CDH12: variants seen among roughly 807,000 people sequenced by gnomAD.
CDH12 encodes cadherin 12.
Under a neutral mutation model 74.1 loss-of-function variants are expected in CDH12, and 41 were observed. The ratio of observed to expected loss-of-function variants is 0.55; its 90% CI spans 0.43 to 0.72. The LOEUF (loss-of-function observed/expected upper bound fraction) is 0.72. Among genes scored for constraint, CDH12 ranks in the 30% least tolerant of loss-of-function variants. CDH12 has a pLI of 0.00. For synonymous variants in CDH12, 399 were observed against 355.0 expected (o/e 1.12, Z -1.39); for missense variants, 945 against 977.2 (o/e 0.97, Z 0.44).
chr5:21,966,603 G>T (rs1253347989), intron 6 of CDH12, among the ~76,000 whole-genome samples: 1 of 152,092 alleles, frequency 6.6e-6, no homozygotes, highest in African/African-American at 2.4e-5. Flanking sequence ...ATTTGAACCT[G>T]TTGAACATAC....
At chr5:21,770,404 A>G (rs369987659) in intron 11 of CDH12, among the ~76,000 whole-genome samples, 6 of 152,230 alleles carry the variant, frequency 3.9e-5, no homozygotes, top group Non-Finnish European at 1.5e-5. Flanking sequence ...CAAGTGGATC[A>G]CCTGAGGTCA....
chr5:22,156,849 G>A (rs71216012), intron 4 of CDH12, among the ~76,000 whole-genome samples: 2 of 152,066 alleles, frequency 1.3e-5, no homozygotes, highest in Non-Finnish European at 2.9e-5. Context: ...GTGTTAATGC[G>A]TATTGATTAA....
chr5:22,582,065 T>C (rs558176293), intron 1 of CDH12, among the ~76,000 whole-genome samples: 37 of 152,258 alleles, frequency 2.4e-4, no homozygotes, highest in African/African-American at 8.9e-4. Context: ...ACAATATGTT[T>C]GTCTACCCTC....
intron 3 of CDH12, among the ~76,000 whole-genome samples, chr5:22,403,237 T>C (rs1742806174): frequency 6.6e-6 from 1 of 152,108 alleles, no homozygotes; most frequent in Non-Finnish European, 1.5e-5. Context: ...TGATAATTAT[T>C]ATGGCAATCC....
intron 1 of CDH12, among the ~76,000 whole-genome samples, chr5:22,737,540 CTT>C (rs1302071555): frequency 1.3e-5 from 2 of 151,762 alleles, no homozygotes; most frequent in East Asian, 3.9e-4. Context: ...GTTAATAAGA[CTT>C]AGCTGAAAGA....
intron 13 of CDH12, among the ~76,000 whole-genome samples, chr5:21,758,841 A>G (rs1299048261): frequency 6.6e-6 from 1 of 152,184 alleles, no homozygotes; most frequent in Non-Finnish European, 1.5e-5. Flanking sequence ...TCTGGAAGAC[A>G]TTATCCTAAG....
In CDH12 at chr5:22,810,905, A is replaced by ATGTG. The variant is rs113641421; in HGVS notation, c.-523+42149_-523+42152dup. Among the ~76,000 whole-genome samples the ATGTG allele has an allele frequency of 1.2e-3, 174 of 146,930 alleles. 1 individual carries two copies. Among genetic ancestry groups the ATGTG allele is most frequent in the African/African-American group, 3.4e-3 (132 of 39,372 alleles). Reference sequence around the variant, plus strand: ...TCAAAAAACAAAAACAAACAAATATATGTGTGTGTGTGTGTGTGTGTGTGT... The same window carrying ATGTG: ...TCAAAAAACAAAAACAAACAAATATATGTGTGTGTGTGTGTGTGTGTGTGTGTGT... On this transcript the variant is annotated intron_variant, in intron 1 of 14. Coordinates refer to ENST00000382254, the MANE Select transcript of CDH12 (RefSeq NM_004061.5).
rs191071909 is a variant in CDH12, at chr5:22,184,303, C to G, written c.-187+28195G>C. Among the ~76,000 whole-genome samples, 14 of 152,188 alleles carry G rather than the reference C, an allele frequency of 9.2e-5. No individual in the cohort carries two copies. The East Asian group carries it at 1.9e-3, about 21-fold the overall frequency. ...GTGAGATGGGTTCATAAAATTGACCCTTGGTTTTTGAAACTAAAAATAGTT... is the reference window on the plus strand; with the variant it reads ...GTGAGATGGGTTCATAAAATTGACCGTTGGTTTTTGAAACTAAAAATAGTT... On this transcript the variant is annotated intron_variant, in intron 4 of 14. Coordinates refer to ENST00000382254, the MANE Select transcript of CDH12 (RefSeq NM_004061.5).
intron 1 of CDH12, among the ~76,000 whole-genome samples, chr5:22,843,696 T>C (rs1429680912): frequency 1.3e-5 from 2 of 151,754 alleles, no homozygotes; most frequent in South Asian, 2.1e-4. Flanking sequence ...ACTGCAAAAA[T>C]GTTTTGAAAG....
intron 1 of CDH12, among the ~76,000 whole-genome samples, chr5:22,661,610 T>TATA (rs1287607271): frequency 6.6e-6 from 1 of 152,150 alleles, no homozygotes; most frequent in Non-Finnish European, 1.5e-5. Context: ...ATGGTAAGAT[T>TATA]TTTACCATAA....
intron 2 of CDH12, among the ~76,000 whole-genome samples, chr5:22,429,740 C>G (rs948458524): frequency 3.3e-5 from 5 of 152,220 alleles, no homozygotes; most frequent in African/African-American, 1.2e-4. Context: ...CTAAGTTATT[C>G]CTATCACAGT....
At chr5:22,040,410 TC>T (rs1419612858) in intron 5 of CDH12, among the ~76,000 whole-genome samples, 1 of 152,016 alleles carries the variant, frequency 6.6e-6, no homozygotes, top group African/African-American at 2.4e-5. Flanking sequence ...TGCTGAAAAC[TC>T]CCCAAGTGTG....
At position 22,736,538 on chromosome 5, in the gene CDH12, T is replaced by C. The variant is rs1253518623; in HGVS notation, c.-523+116520A>G. On this transcript the variant is annotated intron_variant, in intron 1 of 14. Coordinates refer to ENST00000382254, the MANE Select transcript of CDH12 (RefSeq NM_004061.5). ...CTGTGATGTTATTGGAAGTAAAGTA[T>C]GTTGTCTGTTAGAGTCAGCGTTTTT... Among the ~76,000 whole-genome samples, 16 of 151,976 alleles carry C rather than the reference T, an allele frequency of 1.1e-4. No homozygotes were observed. In the East Asian group the frequency reaches 1.7e-3, roughly 17 times the overall value.
chr5:22,711,632 C>A (rs570372074), intron 1 of CDH12, among the ~76,000 whole-genome samples: 4 of 152,128 alleles, frequency 2.6e-5, no homozygotes, highest in Admixed American at 2.6e-4. Context: ...GTAAATAATT[C>A]TGTACCAAAT....
chr5:22,379,208 G>A (rs911015965), intron 3 of CDH12, among the ~76,000 whole-genome samples: 7 of 152,118 alleles, frequency 4.6e-5, no homozygotes, highest in African/African-American at 7.2e-5. Context: ...GATGTTGCAA[G>A]ATATAAATGG....
At chr5:22,464,832 C>T (rs1471210256) in intron 2 of CDH12, among the ~76,000 whole-genome samples, 1 of 151,884 alleles carries the variant, frequency 6.6e-6, no homozygotes, top group Non-Finnish European at 1.5e-5. Flanking sequence ...TGAAACCCCA[C>T]CTCTACTAAA....
intron 1 of CDH12, among the ~76,000 whole-genome samples, chr5:22,522,730 A>T (rs1417332709): frequency 6.6e-6 from 1 of 152,152 alleles, no homozygotes; most frequent in African/African-American, 2.4e-5. Context: ...TCACTAAGCC[A>T]GTTAACACAA....
At chr5:21,998,939 A>G (rs1456588993) in intron 5 of CDH12, among the ~76,000 whole-genome samples, 1 of 152,170 alleles carries the variant, frequency 6.6e-6, no homozygotes, top group Non-Finnish European at 1.5e-5. Flanking sequence ...TTGTTTTAAA[A>G]CACAATACAG....
intron 5 of CDH12, among the ~76,000 whole-genome samples, chr5:22,065,494 T>G (rs1206794419): frequency 6.6e-6 from 1 of 152,150 alleles, no homozygotes; most frequent in Non-Finnish European, 1.5e-5. Flanking sequence ...TTGCCCACAG[T>G]AAATGAATGT....
Sources: allele counts gnomAD v4.1 joint callset (sites outside exome capture counted in the v4.1 genomes callset), GRCh38; gene constraint gnomAD v4.1.1; transcripts MANE v1.5; gene names NCBI Gene and HGNC (gene_info 2026-07-23, HGNC 2026-07-21).